Variants in DLGAP2 observed in about 807,000 individuals in gnomAD.
The protein encoded by DLGAP2 is disks large-associated protein 2.
Under a neutral mutation model 100.3 loss-of-function variants are expected in DLGAP2, and 26 were observed. The observed-to-expected ratio is 0.26, with a 90% confidence interval of 0.19 to 0.36. The LOEUF (loss-of-function observed/expected upper bound fraction) is 0.36, where lower values mean the gene tolerates loss of function less well. Among genes scored for constraint, DLGAP2 ranks in the 10% least tolerant of loss-of-function variants. DLGAP2 has a pLI of 1.00. For synonymous variants in DLGAP2, 886 were observed against 630.1 expected, an observed-to-expected ratio of 1.41 and a Z score of -6.08; for missense variants, 1,858 against 1,453.2, an observed-to-expected ratio of 1.28 and a Z score of -4.53.
At chr8:1,147,701 T>C (rs1377113510) in intron 2 of DLGAP2, among the ~76,000 whole-genome samples, 1 of 152,088 alleles carries the variant, frequency 6.6e-6, no homozygotes, top group Non-Finnish European at 1.5e-5. Flanking sequence ...TCAGCTAATT[T>C]TTTCAGAGAC....
At chr8:1,030,196 C>T (rs1199968152) in intron 2 of DLGAP2, among the ~76,000 whole-genome samples, 8 of 152,146 alleles carry the variant, frequency 5.3e-5, no homozygotes, top group South Asian at 4.1e-4. Context: ...CTAACAGACC[C>T]GAAAGCAATG....
At chr8:1,390,943 A>G (rs1796336904) in intron 3 of DLGAP2, among the ~76,000 whole-genome samples, 1 of 152,238 alleles carries the variant, frequency 6.6e-6, no homozygotes, top group African/African-American at 2.4e-5. Context: ...CACAGTCAGC[A>G]TGGCAGCACT....
chr8:1,524,364 CT>C (rs1353291517), intron 4 of DLGAP2, among the ~76,000 whole-genome samples: 1 of 152,174 alleles, frequency 6.6e-6, no homozygotes, highest in Admixed American at 6.6e-5. Context: ...CCCAGCTGTG[CT>C]TCCAAGCAGT....
chr8:881,026 T>A (rs182232953), intron 1 of DLGAP2, among the ~76,000 whole-genome samples: 36 of 152,346 alleles, frequency 2.4e-4, no homozygotes, highest in Admixed American at 9.1e-4. Flanking sequence ...GTGGCTTATA[T>A]ATAAGTGAGT....
At chr8:1,542,514 T>G (rs1387806051) in intron 4 of DLGAP2, among the ~76,000 whole-genome samples, 2 of 152,232 alleles carry the variant, frequency 1.3e-5, no homozygotes, top group Admixed American at 1.3e-4. Flanking sequence ...TGTGACTGGC[T>G]TCTTTCCCAT....
chr8:1,046,888 G>T (rs1802531472), intron 2 of DLGAP2, among the ~76,000 whole-genome samples: 1 of 151,740 alleles, frequency 6.6e-6, no homozygotes, highest in Non-Finnish European at 1.5e-5. Context: ...CCCATTGTCA[G>T]TGCTTGGTAA....
intron 2 of DLGAP2, among the ~76,000 whole-genome samples, chr8:1,176,184 T>C (rs7815814): frequency 0.81 from 123,094 of 152,114 alleles, 49,963 homozygotes; most frequent in Admixed American, 0.86. Context: ...GCAAGGCACG[T>C]GTTACATGGC....
intron 2 of DLGAP2, among the ~76,000 whole-genome samples, chr8:1,117,986 A>G (rs560620897): frequency 2.6e-5 from 4 of 152,246 alleles, no homozygotes; most frequent in African/African-American, 7.2e-5. Context: ...AATAGTTCCA[A>G]TGAAATTATA....
chr8:884,808 T>C (rs1044597585), intron 1 of DLGAP2, among the ~76,000 whole-genome samples: 2 of 152,228 alleles, frequency 1.3e-5, no homozygotes, highest in African/African-American at 4.8e-5. Flanking sequence ...AATTTTTGTA[T>C]AAGGTGTAAG....
rs1007460943 is a variant in DLGAP2, at chr8:1,626,866, C to T, written c.1569C>T (p.Ser523=). Residue 523 remains serine (S), a synonymous_variant, in exon 7 of 15, where the codon AGC becomes AGT. Coordinates refer to ENST00000637795, the MANE Select transcript of DLGAP2 (RefSeq NM_001346810.2). ...QSYMRAVSTL[S]QASCVSQVSE... is the part of the protein sequence containing the mutation. ...ACATGAGGGCCGTCAGCACCCTGAG[C>T]CAGGCCAGCTGCGTGAGCCAGGTCA... 6.2e-7 allele frequency: 1 copy of T among 1,604,934 alleles called. No homozygotes were observed. The highest frequency in any genetic ancestry group is 1.7e-5 in the Admixed American group (1 of 59,212).
chr8:1,137,982 C>G (rs895216093), intron 2 of DLGAP2, among the ~76,000 whole-genome samples: 13 of 152,122 alleles, frequency 8.5e-5, no homozygotes, highest in Admixed American at 7.2e-4. Context: ...AGCAATCCAC[C>G]CGCCTCAGCC....
intron 8 of DLGAP2, among the ~76,000 whole-genome samples, chr8:1,659,701 A>G (rs1372066505): frequency 6.6e-6 from 1 of 152,124 alleles, no homozygotes; most frequent in African/African-American, 2.4e-5. Flanking sequence ...CTTGGTTAAT[A>G]TTCCTCCATC....
intron 4 of DLGAP2, among the ~76,000 whole-genome samples, chr8:1,535,474 C>G (rs978911993): frequency 6.6e-6 from 1 of 152,194 alleles, no homozygotes; most frequent in Admixed American, 6.5e-5. Flanking sequence ...TGTGTCGACA[C>G]ACATGTTGTT....
intron 10 of DLGAP2, among the ~76,000 whole-genome samples, chr8:1,672,951 G>C (rs1339268607): frequency 6.6e-6 from 1 of 152,244 alleles, no homozygotes; most frequent in Non-Finnish European, 1.5e-5. Flanking sequence ...AGCGGTTCCT[G>C]CTGCCAGCCC....
intron 3 of DLGAP2, among the ~76,000 whole-genome samples, chr8:1,382,770 A>G (rs961846715): frequency 2.6e-5 from 4 of 152,198 alleles, no homozygotes; most frequent in Non-Finnish European, 4.4e-5. Context: ...AGAAATGTGT[A>G]TAGTTTACAT....
chr8:1,363,460 G>A (rs371944186), intron 3 of DLGAP2, among the ~76,000 whole-genome samples: 8 of 152,184 alleles, frequency 5.3e-5, no homozygotes, highest in Non-Finnish European at 1.0e-4. Context: ...CCCCACACGC[G>A]TTTCCTCCAC....
chr8:1,128,979 C>A (rs368702789), intron 2 of DLGAP2, among the ~76,000 whole-genome samples: 24 of 152,228 alleles, frequency 1.6e-4, no homozygotes, highest in African/African-American at 5.5e-4. Flanking sequence ...ACGCTCCCCA[C>A]AGGAACTTAC....
Position 1,451,892 on chromosome 8 carries a change from G to C in DLGAP2, c.107-49474G>C, listed in dbSNP as rs149242512. On this transcript the variant is annotated intron_variant, in intron 3 of 14. Transcript: ENST00000637795. ...CTGTTCCCTCCACCAGAGCTCACGG[G>C]CTCCCACACACACGGCCCAGGCCCC... Among the ~76,000 whole-genome samples, 679 of 152,324 alleles carry C rather than the reference G, an allele frequency of 4.5e-3. 3 individuals carry two copies. Among genetic ancestry groups the C allele is most frequent in the Middle Eastern group, 0.017 (5 of 294 alleles).
At chr8:1,338,686 G>C (rs535439705) in intron 3 of DLGAP2, among the ~76,000 whole-genome samples, 1 of 152,324 alleles carries the variant, frequency 6.6e-6, no homozygotes, top group African/African-American at 2.4e-5. Flanking sequence ...GACACGATCT[G>C]TACAGTATCA....
Sources: gnomAD v4.1 joint callset for allele counts (sites outside exome capture counted in the v4.1 genomes callset) on GRCh38, gnomAD v4.1.1 for gene constraint, MANE v1.5 for transcripts, NCBI Gene and HGNC (gene_info 2026-07-23, HGNC 2026-07-21) for gene names.